Variants in DCX observed in about 807,000 individuals in gnomAD.
The protein encoded by DCX is doublecortin.
DCX carries 4 observed loss-of-function variants against 20.9 expected under a neutral mutation model. That is an observed-to-expected ratio of 0.19 (90% CI 0.09 to 0.44). The LOEUF is 0.44. Among genes scored for constraint, DCX ranks in the 20% least tolerant of loss-of-function variants. DCX has a pLI of 0.99. For missense variants in DCX, 133 were observed against 296.9 expected, an observed-to-expected ratio of 0.45 and a Z score of 4.06; for synonymous variants, 103 against 111.4, an observed-to-expected ratio of 0.92 and a Z score of 0.47.
At chrX:111,331,153 G>C (rs751209996) in intron 4 of DCX, 112 bp from the exon 5 acceptor site, 1 of 901,433 alleles carries the variant, frequency 1.1e-6, no homozygotes, top group Admixed American at 2.3e-5. Flanking sequence ...AATGGGTCAG[G>C]ACTACAATGT....
intron 5 of DCX, among the ~76,000 whole-genome samples, chrX:111,314,580 C>T (rs2095065282): frequency 9.0e-6 from 1 of 111,625 alleles, no homozygotes; most frequent in Admixed American, 9.5e-5. Flanking sequence ...CTAATGGGTA[C>T]AAGTTTTCTT....
In DCX at chrX:111,358,745, A is replaced by G. The variant is rs763857553; in HGVS notation, c.706-25592T>C. Among the ~76,000 whole-genome samples, 7 of 112,023 alleles carry G rather than the reference A, an allele frequency of 6.2e-5. No individual in the cohort carries two copies. In the South Asian group the frequency reaches 1.1e-3, roughly 18 times the overall value. On this transcript the variant is annotated intron_variant, in intron 3 of 6. Coordinates refer to ENST00000636035, the MANE Select transcript of DCX (RefSeq NM_001195553.2). ...AGAAACGAGCTTTAAAATTGCTGCA[A>G]TAAGATAGTTCAACAAGGCAAGAGC...
intron 3 of DCX, among the ~76,000 whole-genome samples, chrX:111,398,075 C>A (rs1356830784): frequency 9.1e-6 from 1 of 110,252 alleles, no homozygotes; most frequent in Admixed American, 9.7e-5. Flanking sequence ...GGAGACATTT[C>A]TCCTTAGAAT....
intron 5 of DCX, among the ~76,000 whole-genome samples, chrX:111,324,405 T>G (rs1352563411): frequency 8.9e-6 from 1 of 112,212 alleles, no homozygotes; most frequent in African/African-American, 3.2e-5. Flanking sequence ...ACTACCAGTA[T>G]CTATTATGCA....
intron 3 of DCX, among the ~76,000 whole-genome samples, chrX:111,378,057 C>G (rs751218450): frequency 1.1e-4 from 12 of 111,620 alleles, no homozygotes; most frequent in Non-Finnish European, 1.1e-4. Context: ...GCAAGCCTGA[C>G]ATGGTAGAGC....
intron 3 of DCX, among the ~76,000 whole-genome samples, chrX:111,337,852 G>T (rs1167774587): frequency 8.9e-6 from 1 of 112,038 alleles, no homozygotes; most frequent in Non-Finnish European, 1.9e-5. Flanking sequence ...GTAATAAAGG[G>T]CCATGTCTTC....
chrX:111,322,235 A>G (rs1161501781), intron 5 of DCX, among the ~76,000 whole-genome samples: 1 of 111,699 alleles, frequency 9.0e-6, no homozygotes, highest in East Asian at 2.8e-4. Context: ...ACAAGGATAT[A>G]GGGGCTCAGA....
chrX:111,375,855 A>T (rs1010383631), intron 3 of DCX, among the ~76,000 whole-genome samples: 61 of 112,258 alleles, frequency 5.4e-4, no homozygotes, highest in African/African-American at 1.9e-3. Flanking sequence ...AGCAAATGAC[A>T]GACTACCACA....
At chrX:111,386,883 C>T (rs1478339765) in intron 3 of DCX, among the ~76,000 whole-genome samples, 1 of 111,353 alleles carries the variant, frequency 9.0e-6, no homozygotes, top group Non-Finnish European at 1.9e-5. Context: ...ACGCAGATTT[C>T]TATTCCCAAC....
At chrX:111,312,173 C>A (rs749977054) in intron 6 of DCX, among the ~76,000 whole-genome samples, 3 of 112,637 alleles carry the variant, frequency 2.7e-5, no homozygotes, top group Non-Finnish European at 3.8e-5. Flanking sequence ...AAGTGCACAG[C>A]AAAAGTAGGA....
intron 3 of DCX, among the ~76,000 whole-genome samples, chrX:111,344,860 T>C (rs71635660): frequency 3.4e-4 from 38 of 111,721 alleles, no homozygotes; most frequent in African/African-American, 1.2e-3. Flanking sequence ...CAAACTACCA[T>C]TGACATTCTT....
intron 3 of DCX, among the ~76,000 whole-genome samples, chrX:111,371,151 C>T (rs1925053834): frequency 8.9e-6 from 1 of 112,240 alleles, no homozygotes; most frequent in South Asian, 3.6e-4. Context: ...CAGTGAAATG[C>T]ATAAACTGTA....
intron 3 of DCX, among the ~76,000 whole-genome samples, chrX:111,367,979 C>T (rs1314511811): frequency 9.0e-6 from 1 of 111,141 alleles, no homozygotes; most frequent in Non-Finnish European, 1.9e-5. Flanking sequence ...GCTAAGTATG[C>T]TATTTTTTCC....
chrX:111,399,931 C>T (rs1439433591), intron 3 of DCX, among the ~76,000 whole-genome samples: 1 of 111,609 alleles, frequency 9.0e-6, no homozygotes, highest in Non-Finnish European at 1.9e-5. Flanking sequence ...GTGAGTTTTC[C>T]CTGAAACTTA....
chrX:111,397,170 G>A (rs776850518), intron 3 of DCX, among the ~76,000 whole-genome samples: 1 of 111,492 alleles, frequency 9.0e-6, no homozygotes, highest in South Asian at 3.8e-4. Flanking sequence ...AACCAACTGG[G>A]CTCTTTTAGC....
At chrX:111,325,312 C>G (rs1300345344) in intron 5 of DCX, among the ~76,000 whole-genome samples, 1 of 111,307 alleles carries the variant, frequency 9.0e-6, no homozygotes, top group Non-Finnish European at 1.9e-5. Context: ...ACAGCACATC[C>G]CACATACTAA....
intron 2 of DCX, among the ~76,000 whole-genome samples, chrX:111,407,290 A>G (rs777332631): frequency 1.8e-5 from 2 of 112,042 alleles, no homozygotes; most frequent in African/African-American, 6.5e-5. Context: ...TGTTTTCATT[A>G]TAATCTGCTG....
intron 4 of DCX, 31 bp downstream of exon 4, chrX:111,333,020 T>C: frequency 9.6e-7 from 1 of 1,043,465 alleles, no homozygotes. Flanking sequence ...GAGAGAACAA[T>C]GGAGCAATAA....
At chrX:111,307,414 G>T (rs1429118048) in intron 6 of DCX, among the ~76,000 whole-genome samples, 4 of 109,754 alleles carry the variant, frequency 3.6e-5, no homozygotes, top group African/African-American at 6.6e-5. Flanking sequence ...ATAGTTGTTC[G>T]CTCTATTACT....
Sources: gnomAD v4.1 joint callset for allele counts (sites outside exome capture counted in the v4.1 genomes callset) on GRCh38, gnomAD v4.1.1 for gene constraint, MANE v1.5 for transcripts, NCBI Gene and HGNC (gene_info 2026-07-23, HGNC 2026-07-21) for gene names.